TSHZ2: variants seen among roughly 807,000 people sequenced by gnomAD.
TSHZ2 encodes the protein teashirt homolog 2.
TSHZ2 carries 21 observed loss-of-function variants against 74.4 expected under a neutral mutation model. The observed-to-expected ratio is 0.28, with a 90% CI of 0.20 to 0.41. The LOEUF (loss-of-function observed/expected upper bound fraction) is 0.41, where lower values mean the gene tolerates loss of function less well. Ranked by LOEUF, TSHZ2 falls within the 10% of genes least tolerant of loss-of-function variation. TSHZ2 has a pLI of 1.00. For missense variants in TSHZ2, 1,244 were observed against 1,293.5 expected (o/e 0.96, Z 0.59); for synonymous variants, 540 against 515.3 (o/e 1.05, Z -0.65).
intron 2 of TSHZ2, among the ~76,000 whole-genome samples, chr20:53,351,725 G>A (rs1384694455): frequency 1.3e-5 from 2 of 152,176 alleles, no homozygotes; most frequent in African/African-American, 4.8e-5. Flanking sequence ...CATATCACAC[G>A]AGTCTCATCC....
chr20:53,475,091 C>G (rs1985951254), intron 2 of TSHZ2, among the ~76,000 whole-genome samples: 1 of 139,746 alleles, frequency 7.2e-6, no homozygotes, highest in Non-Finnish European at 1.5e-5. Flanking sequence ...CAACATTAGA[C>G]AGATCAACGA....
chr20:53,048,961 A>G (rs1252644154), intron 1 of TSHZ2, among the ~76,000 whole-genome samples: 2 of 152,190 alleles, frequency 1.3e-5, no homozygotes, highest in African/African-American at 4.8e-5. Flanking sequence ...CCAGGGCAGG[A>G]TTTCTCTCAT....
intron 2 of TSHZ2, among the ~76,000 whole-genome samples, chr20:53,392,243 A>G (rs156600): frequency 0.9 from 136,197 of 152,158 alleles, 61,093 homozygotes; most frequent in African/African-American, 0.94. Context: ...TTGGGAGTTC[A>G]AGACCAGCCT....
intron 1 of TSHZ2, among the ~76,000 whole-genome samples, chr20:53,157,637 T>C: frequency 6.6e-6 from 1 of 152,172 alleles, no homozygotes; most frequent in Non-Finnish European, 1.5e-5. Context: ...TAGGAAGCAC[T>C]AGATAAAGTT....
At chr20:53,056,137 C>T (rs1367084699) in intron 1 of TSHZ2, among the ~76,000 whole-genome samples, 1 of 152,212 alleles carries the variant, frequency 6.6e-6, no homozygotes, top group East Asian at 1.9e-4. Context: ...ACAGTAAGTA[C>T]ACAATATATT....
chr20:53,193,705 C>T (rs1230314860), intron 1 of TSHZ2, among the ~76,000 whole-genome samples: 6 of 152,208 alleles, frequency 3.9e-5, no homozygotes, highest in Non-Finnish European at 1.5e-5. Context: ...GGCAGGGGCT[C>T]AGTGTATATC....
chr20:53,109,163 G>A (rs148101845), intron 1 of TSHZ2, among the ~76,000 whole-genome samples: 190 of 152,010 alleles, frequency 1.2e-3, no homozygotes, highest in African/African-American at 4.3e-3. Context: ...ATACACTTCC[G>A]TACTTCAGTT....
chr20:53,206,536 C>T (rs1255664125), intron 1 of TSHZ2: 1 of 152,254 alleles, frequency 6.6e-6, no homozygotes, highest in Non-Finnish European at 1.5e-5. Context: ...TTGGCCGAAA[C>T]ACTTACCTCT....
intron 1 of TSHZ2, among the ~76,000 whole-genome samples, chr20:53,056,120 C>T (rs1040828995): frequency 6.6e-6 from 1 of 152,168 alleles, no homozygotes; most frequent in Non-Finnish European, 1.5e-5. Context: ...TTATCTATAC[C>T]TAGAACACAG....
At chr20:52,986,401 C>CAAAAAA (rs34991984) in intron 1 of TSHZ2, among the ~76,000 whole-genome samples, 1 of 120,804 alleles carries the variant, frequency 8.3e-6, no homozygotes, top group Non-Finnish European at 1.7e-5. Flanking sequence ...AAGAATCCAT[C>CAAAAAA]AAAAAAAAAA....
intron 1 of TSHZ2, among the ~76,000 whole-genome samples, chr20:53,204,870 A>G (rs1430682022): frequency 1.3e-5 from 2 of 152,096 alleles, no homozygotes; most frequent in Non-Finnish European, 2.9e-5. Context: ...TCATGAGGTC[A>G]GGAGTTCAAG....
intron 1 of TSHZ2, among the ~76,000 whole-genome samples, chr20:53,149,356 A>C (rs1263346267): frequency 6.6e-6 from 1 of 152,072 alleles, no homozygotes; most frequent in Non-Finnish European, 1.5e-5. Context: ...TGTCTGCCAG[A>C]TCATTAAAAA....
At chr20:53,441,275 A>G (rs1984312175) in intron 2 of TSHZ2, among the ~76,000 whole-genome samples, 1 of 117,646 alleles carries the variant, frequency 8.5e-6, no homozygotes, top group Non-Finnish European at 1.9e-5. Flanking sequence ...ATTTTATTTT[A>G]TTTATTTTGA....
At chr20:53,469,919 A>AAGGCAGGCAGGCAGGC (rs542838293) in intron 2 of TSHZ2, among the ~76,000 whole-genome samples, 1 of 101,254 alleles carries the variant, frequency 9.9e-6, no homozygotes, top group Non-Finnish European at 2.2e-5. Context: ...GGAAGGAAGG[A>AAGGCAGGCAGGCAGGC]AGGCAGGCAG....
chr20:53,277,165 C>T (rs943632382), intron 2 of TSHZ2, among the ~76,000 whole-genome samples: 13 of 152,266 alleles, frequency 8.5e-5, no homozygotes, highest in East Asian at 1.9e-4. Flanking sequence ...TGCACATGAC[C>T]GGCTATCAAG....
chr20:53,285,918 G>A (rs1184339145), intron 2 of TSHZ2, among the ~76,000 whole-genome samples: 6 of 152,134 alleles, frequency 3.9e-5, no homozygotes, highest in African/African-American at 1.2e-4. Context: ...TGTAGCATCA[G>A]GGAGTAGGAC....
chr20:52,987,453 C>G (rs989213738), intron 1 of TSHZ2, among the ~76,000 whole-genome samples: 2 of 150,276 alleles, frequency 1.3e-5, no homozygotes, highest in African/African-American at 4.9e-5. Context: ...TACTCTTTCT[C>G]TCTCCTCTCT....
At chr20:53,460,994 G>A (rs1374583903) in intron 2 of TSHZ2, among the ~76,000 whole-genome samples, 1 of 152,206 alleles carries the variant, frequency 6.6e-6, no homozygotes, top group African/African-American at 2.4e-5. Context: ...CTGTCTTTTT[G>A]TTTGTCTGTG....
chr20:53,311,836 CT>C (rs1438092404), intron 2 of TSHZ2, among the ~76,000 whole-genome samples: 3 of 152,208 alleles, frequency 2.0e-5, no homozygotes, highest in Non-Finnish European at 4.4e-5. Flanking sequence ...AATCCCAACA[CT>C]TTGGGAGGCG....
Sources: allele counts gnomAD v4.1 joint callset (sites outside exome capture counted in the v4.1 genomes callset), GRCh38; gene constraint gnomAD v4.1.1; transcripts MANE v1.5; gene names NCBI Gene and HGNC (gene_info 2026-07-23, HGNC 2026-07-21).